Variants in PCDH15 observed in about 807,000 individuals in gnomAD.
PCDH15 encodes the protein protocadherin related 15, also known as protocadherin-15.
In PCDH15, 129 loss-of-function variants were observed where a neutral mutation model predicts 178.5. The observed-to-expected ratio is 0.72, with a 90% CI of 0.63 to 0.84. The LOEUF is 0.84. PCDH15 is among the 40% of genes least tolerant of loss of function. PCDH15 has a pLI of 0.00. For synonymous variants in PCDH15, 800 were observed against 732.0 expected (o/e 1.09, Z -1.50); for missense variants, 2,230 against 2,099.9 (o/e 1.06, Z -1.21).
intron 1 of PCDH15, among the ~76,000 whole-genome samples, chr10:55,297,935 T>C (rs1029747943): frequency 5.9e-5 from 9 of 152,212 alleles, no homozygotes; most frequent in African/African-American, 2.2e-4. Context: ...CTGGTGAAAC[T>C]GACCATTCTA....
chr10:55,514,221 T>C (rs973863456), intron 2 of PCDH15, among the ~76,000 whole-genome samples: 1 of 152,134 alleles, frequency 6.6e-6, no homozygotes, highest in Non-Finnish European at 1.5e-5. Flanking sequence ...TACAAAGTCA[T>C]TCAAGGTAAG....
At chr10:55,528,560 C>A (rs958370993) in intron 2 of PCDH15, among the ~76,000 whole-genome samples, 3 of 152,088 alleles carry the variant, frequency 2.0e-5, no homozygotes, top group Non-Finnish European at 4.4e-5. Context: ...ATGAACTCAT[C>A]ATTTTTTATG....
At chr10:55,024,446 TATATATATACACACAC>T (rs946379292) in intron 2 of PCDH15, among the ~76,000 whole-genome samples, 1 of 96,390 alleles carries the variant, frequency 1.0e-5, no homozygotes, top group Non-Finnish European at 2.3e-5. Context: ...TAATATATTA[TATATATATACACACAC>T]ATATATATAT....
At chr10:54,796,286 C>CTACG (rs1951995789) in intron 1 of PCDH15, among the ~76,000 whole-genome samples, 2 of 120,390 alleles carry the variant, frequency 1.7e-5, no homozygotes, top group African/African-American at 3.6e-5. Flanking sequence ...ATCTATGTAT[C>CTACG]TATCTATCTA....
chr10:53,888,093 A>G (rs1014536196), intron 26 of PCDH15, among the ~76,000 whole-genome samples: 1 of 151,294 alleles, frequency 6.6e-6, no homozygotes, highest in Non-Finnish European at 1.5e-5. Flanking sequence ...AGTTTAAAAA[A>G]TGCTATTAAT....
At chr10:55,189,556 C>G (rs556548414) in intron 1 of PCDH15, among the ~76,000 whole-genome samples, 1 of 151,910 alleles carries the variant, frequency 6.6e-6, no homozygotes, top group East Asian at 1.9e-4. Context: ...CTCTCCAGAA[C>G]TTGATTTTGT....
chr10:55,029,003 C>T (rs1001984808), intron 2 of PCDH15, among the ~76,000 whole-genome samples: 1 of 151,724 alleles, frequency 6.6e-6, no homozygotes, highest in South Asian at 2.1e-4. Flanking sequence ...TTTCCATAAA[C>T]TTGGGAAACA....
At chr10:55,493,045 G>A (rs751501215) in intron 2 of PCDH15, among the ~76,000 whole-genome samples, 1 of 151,652 alleles carries the variant, frequency 6.6e-6, no homozygotes, top group South Asian at 2.1e-4. Flanking sequence ...AATAAACAGA[G>A]CTTCAGAGAA....
intron 2 of PCDH15, among the ~76,000 whole-genome samples, chr10:55,033,278 G>A (rs1038221807): frequency 1.7e-4 from 26 of 152,080 alleles, no homozygotes; most frequent in African/African-American, 5.3e-4. Flanking sequence ...CAGCAGGGCC[G>A]CTCGAGAGGC....
chr10:54,723,974 G>A (rs747746351), intron 1 of PCDH15, among the ~76,000 whole-genome samples: 7 of 151,720 alleles, frequency 4.6e-5, no homozygotes, highest in Non-Finnish European at 7.4e-5. Flanking sequence ...ATTAAAAACA[G>A]TATGTAGATT....
chr10:54,046,099 A>C (rs1426303776), intron 18 of PCDH15, among the ~76,000 whole-genome samples: 2 of 152,190 alleles, frequency 1.3e-5, no homozygotes, highest in East Asian at 1.9e-4. Context: ...AAGATTCTCA[A>C]TGCCATTAGC....
chr10:54,430,206 C>G (rs967661247), intron 3 of PCDH15, among the ~76,000 whole-genome samples: 1 of 152,020 alleles, frequency 6.6e-6, no homozygotes, highest in African/African-American at 2.4e-5. Context: ...CAGGCATGTG[C>G]CACCATGCCC....
chr10:54,404,962 T>G (rs1004518376), intron 3 of PCDH15, among the ~76,000 whole-genome samples: 1 of 151,980 alleles, frequency 6.6e-6, no homozygotes, highest in African/African-American at 2.4e-5. Flanking sequence ...CTCGCACCAG[T>G]CAAAATGGCT....
intron 13 of PCDH15, among the ~76,000 whole-genome samples, chr10:54,179,033 A>G (rs1181638334): frequency 6.6e-6 from 1 of 152,188 alleles, no homozygotes; most frequent in African/African-American, 2.4e-5. Context: ...ATCTAGAACT[A>G]GAAATACCAT....
Position 54,945,627 on chromosome 10 carries a change from T to TA in PCDH15, c.-79-48128dup, listed in dbSNP as rs532968043. ...ATGGTATTAAAGAGAAATTTGTTTT[T>TA]ATGTTGCTGATAATTGATTCCTTCA... On this transcript the variant is annotated intron_variant, in intron 2 of 5. Coordinates refer to the PCDH15 transcript ENST00000458638. 8.6e-3 allele frequency among the ~76,000 whole-genome samples: 1,306 copies of TA among 151,816 alleles called. 15 individuals are homozygous for TA. Among genetic ancestry groups the TA allele is most frequent in the South Asian group, 0.014 (66 of 4,824 alleles).
chr10:54,160,427 G>A (rs1187235629), intron 13 of PCDH15, among the ~76,000 whole-genome samples: 2 of 152,102 alleles, frequency 1.3e-5, no homozygotes, highest in Non-Finnish European at 2.9e-5. Context: ...AACTCAAAAT[G>A]CATCACAGAC....
Position 55,243,554 on chromosome 10 carries a change from G to A in PCDH15, c.-156+76045C>T, listed in dbSNP as rs140720924. ...TCACATTGATGTTTCTCCTGGAGTGGGTTCTTACCCTATCCTAAAATGAAA... is the reference window on the plus strand; with the variant it reads ...TCACATTGATGTTTCTCCTGGAGTGAGTTCTTACCCTATCCTAAAATGAAA... On this transcript the variant is annotated intron_variant, in intron 1 of 5. Transcript: ENST00000458638. Among the ~76,000 whole-genome samples, 246 of 152,100 alleles carry A rather than the reference G, an allele frequency of 1.6e-3. 2 individuals are homozygous for A. The highest frequency in any genetic ancestry group is 4.1e-3 in the African/African-American group (169 of 41,504).
intron 2 of PCDH15, among the ~76,000 whole-genome samples, chr10:55,623,783 CCTT>C (rs779231119): frequency 1.1e-4 from 17 of 151,060 alleles, no homozygotes; most frequent in Non-Finnish European, 1.0e-4. Flanking sequence ...GGCACTAACA[CCTT>C]CTAATAGATA....
chr10:55,500,339 T>C (rs1840628347), intron 2 of PCDH15, among the ~76,000 whole-genome samples: 1 of 149,418 alleles, frequency 6.7e-6, no homozygotes, highest in Admixed American at 6.7e-5. Context: ...CATGAAACAG[T>C]ATATTATCTT....
Sources: allele counts gnomAD v4.1 joint callset (sites outside exome capture counted in the v4.1 genomes callset), GRCh38; gene constraint gnomAD v4.1.1; transcripts MANE v1.5; gene names NCBI Gene and HGNC (gene_info 2026-07-23, HGNC 2026-07-21).